SPECC1: variants seen among roughly 807,000 people sequenced by gnomAD.
The protein encoded by SPECC1 is sperm antigen with calponin homology and coiled-coil domains 1.
Under a neutral mutation model 104.1 loss-of-function variants are expected in SPECC1, and 62 were observed. That is an observed-to-expected ratio of 0.60 (90% CI 0.49 to 0.74). The LOEUF is 0.74. Among genes scored for constraint, SPECC1 ranks in the 30% least tolerant of loss-of-function variants. SPECC1 has a pLI of 0.00. For synonymous variants in SPECC1, 513 were observed against 501.6 expected, an observed-to-expected ratio of 1.02 and a Z score of -0.30; for missense variants, 1,306 against 1,310.5, an observed-to-expected ratio of 1.00 and a Z score of 0.05.
At chr17:20,101,574 C>T (rs2047946035) in intron 2 of SPECC1, among the ~76,000 whole-genome samples, 1 of 152,202 alleles carries the variant, frequency 6.6e-6, no homozygotes, top group Admixed American at 6.5e-5. Flanking sequence ...AGGGTGCATA[C>T]ACTCCTGTAA....
At chr17:20,014,652 C>T (rs930651691) in intron 1 of SPECC1, among the ~76,000 whole-genome samples, 1 of 152,140 alleles carries the variant, frequency 6.6e-6, no homozygotes, top group African/African-American at 2.4e-5. Context: ...AAGAAGTGCA[C>T]GCGTCTGACT....
At chr17:20,205,950 C>G (rs768424206) in intron 4 of SPECC1, 38 bp downstream of exon 4, 4 of 1,566,100 alleles carry the variant, frequency 2.6e-6, no homozygotes, top group Non-Finnish European at 3.4e-6. Context: ...TTTGCTCATC[C>G]TTGTTCACAT....
chr17:20,302,158 A>C (rs529793798), intron 13 of SPECC1, among the ~76,000 whole-genome samples: 1 of 152,106 alleles, frequency 6.6e-6, no homozygotes, highest in Non-Finnish European at 1.5e-5. Context: ...GAGAGGGGGA[A>C]CTCTAGGATT....
rs2039641536 is a variant in SPECC1, at chr17:20,251,768, G to A, written c.2599-1737G>A. Among the ~76,000 whole-genome samples, 3 of 152,158 alleles carry A rather than the reference G, an allele frequency of 2.0e-5. No individual in the cohort carries two copies. In the South Asian group the frequency reaches 6.2e-4, roughly 31 times the overall value. On this transcript the variant is annotated intron_variant, in intron 9 of 14. Transcript: ENST00000395527. The stretch of plus-strand genomic sequence containing the variant: ...CTACTGAATGCTTACTATCTGCTGG[G>A]CTGTGTTTTGATTGTTCTAACTGGA...
chr17:20,168,871 A>AT (rs2033869875), intron 3 of SPECC1, among the ~76,000 whole-genome samples: 1 of 152,020 alleles, frequency 6.6e-6, no homozygotes, highest in African/African-American at 2.4e-5. Context: ...AAACGATGGT[A>AT]TATTTTATTT....
At chr17:20,283,683 C>G (rs1317390732) in intron 12 of SPECC1, among the ~76,000 whole-genome samples, 2 of 152,116 alleles carry the variant, frequency 1.3e-5, no homozygotes, top group Non-Finnish European at 2.9e-5. Flanking sequence ...GCCTCCTGAG[C>G]TCAAGCAGTC....
intron 7 of SPECC1, chr17:20,238,077 G>A (rs2039018496): frequency 9.8e-7 from 1 of 1,025,546 alleles, no homozygotes; most frequent in Admixed American, 5.8e-5. Flanking sequence ...CCTTCACTTG[G>A]AGTCTGACTT....
intron 13 of SPECC1, among the ~76,000 whole-genome samples, chr17:20,298,380 G>A (rs2041426917): frequency 6.6e-6 from 1 of 152,184 alleles, no homozygotes; most frequent in African/African-American, 2.4e-5. Context: ...GGAGGCAGCA[G>A]TGCAGAGCCA....
At chr17:20,186,993 G>A (rs533200474) in intron 3 of SPECC1, among the ~76,000 whole-genome samples, 1 of 152,230 alleles carries the variant, frequency 6.6e-6, no homozygotes, top group South Asian at 2.1e-4. Flanking sequence ...ATACAGGTTT[G>A]AGTATCCCTT....
chr17:20,054,712 G>T (rs1447478528), intron 1 of SPECC1, among the ~76,000 whole-genome samples: 1 of 151,570 alleles, frequency 6.6e-6, no homozygotes, highest in Non-Finnish European at 1.5e-5. Flanking sequence ...CTGTCATCTG[G>T]GCTGGAGTAC....
At chr17:20,144,916 G>T (rs1400126750) in intron 3 of SPECC1, among the ~76,000 whole-genome samples, 1 of 152,192 alleles carries the variant, frequency 6.6e-6, no homozygotes, top group Non-Finnish European at 1.5e-5. Flanking sequence ...TAGTTTTATA[G>T]TGATTGATAT....
chr17:20,061,428 G>A (rs1409621292), intron 1 of SPECC1, among the ~76,000 whole-genome samples: 1 of 152,140 alleles, frequency 6.6e-6, no homozygotes, highest in African/African-American at 2.4e-5. Flanking sequence ...ACTTCCATGG[G>A]CCTCTACATG....
chr17:20,260,363 C>G (rs1168077150), intron 12 of SPECC1, 69 bp downstream of exon 12: 3 of 1,350,512 alleles, frequency 2.2e-6, no homozygotes, highest in Admixed American at 1.8e-5. Flanking sequence ...ATACATGTTC[C>G]TTGTGTGCCT....
At chr17:20,274,393 C>G (rs1045148364) in intron 12 of SPECC1, among the ~76,000 whole-genome samples, 1 of 151,884 alleles carries the variant, frequency 6.6e-6, no homozygotes, top group Non-Finnish European at 1.5e-5. Flanking sequence ...CTGTGGCATG[C>G]GTTGTTTTGA....
intron 1 of SPECC1, among the ~76,000 whole-genome samples, chr17:20,041,635 T>G (rs181677986): frequency 0.073 from 10,171 of 139,428 alleles, 1,225 homozygotes; most frequent in African/African-American, 0.23. Flanking sequence ...TTTTTTTTTT[T>G]TTTTTTTTTT....
intron 12 of SPECC1, among the ~76,000 whole-genome samples, chr17:20,270,271 T>C (rs981280318): frequency 8.6e-5 from 13 of 151,364 alleles, no homozygotes; most frequent in Admixed American, 4.6e-4. Flanking sequence ...GTGAAAGTGA[T>C]ACATTAATTT....
chr17:20,031,522 A>G (rs1452762335), intron 1 of SPECC1, among the ~76,000 whole-genome samples: 2 of 152,104 alleles, frequency 1.3e-5, no homozygotes, highest in Non-Finnish European at 2.9e-5. Flanking sequence ...GGGTTTCACC[A>G]TGTTAATCAT....
intron 12 of SPECC1, among the ~76,000 whole-genome samples, chr17:20,292,802 G>A (rs1237858895): frequency 6.6e-6 from 1 of 152,188 alleles, no homozygotes; most frequent in East Asian, 1.9e-4. Context: ...TGTGCTTAGC[G>A]ACTGCTGAAA....
intron 14 of SPECC1, among the ~76,000 whole-genome samples, chr17:20,311,373 A>ATTTTTTTTTTTTTTTTTTTTTT (rs749854561): frequency 6.8e-6 from 1 of 146,296 alleles, no homozygotes; most frequent in African/African-American, 2.5e-5. Flanking sequence ...CTTCCAGTAC[A>ATTTTTTTTTTTTTTTTTTTTTT]TTTTTTTTTT....
Sources: gnomAD v4.1 joint callset for allele counts (sites outside exome capture counted in the v4.1 genomes callset) on GRCh38, gnomAD v4.1.1 for gene constraint, MANE v1.5 for transcripts, NCBI Gene and HGNC (gene_info 2026-07-23, HGNC 2026-07-21) for gene names.